The following LEMD3 variants were observed in gnomAD, a reference collection of about 807,000 sequenced individuals.
The protein encoded by LEMD3 is LEM domain containing 3, also known as inner nuclear membrane protein Man1.
In LEMD3, 33 loss-of-function variants were observed where a neutral mutation model predicts 95.2. That is an observed-to-expected ratio of 0.35 (90% CI 0.26 to 0.46). LEMD3 has a LOEUF of 0.46. LEMD3 is among the 20% of genes least tolerant of loss of function. The pLI, the probability that LEMD3 is intolerant of heterozygous loss-of-function variation, is 1.00. For missense variants in LEMD3, 1,210 were observed against 1,192.8 expected, an observed-to-expected ratio of 1.01 and a Z score of -0.21; for synonymous variants, 525 against 474.6, an observed-to-expected ratio of 1.11 and a Z score of -1.38.
At chr12:65,183,616 T>G (rs560349373) in intron 1 of LEMD3, among the ~76,000 whole-genome samples, 2 of 152,304 alleles carry the variant, frequency 1.3e-5, no homozygotes, top group South Asian at 4.1e-4. Context: ...AGGTAGTCTG[T>G]AGAGGAGCAG....
chr12:65,178,773 C>A (rs1868809476), intron 1 of LEMD3, among the ~76,000 whole-genome samples: 1 of 152,162 alleles, frequency 6.6e-6, no homozygotes, highest in Non-Finnish European at 1.5e-5. Flanking sequence ...AGTATTTGAA[C>A]TCAGACAGTG....
Position 65,240,928 on chromosome 12 carries a change from T to G in LEMD3, c.2146T>G (p.Trp716Gly). ...TGATAGGAAAAAAATGAAGAAAGTCTGGGATAGAGCTGTTGACTTCCTTGC... is the reference window on the plus strand; with the variant it reads ...TGATAGGAAAAAAATGAAGAAAGTCGGGGATAGAGCTGTTGACTTCCTTGC... ...PHDRKKMKKV[W>G]DRAVDFLAAN... Residue 716 changes from tryptophan to glycine, a missense_variant, in exon 9 of 13, where the codon TGG (tryptophan) becomes GGG (glycine). Trp to Gly is a radical substitution (Grantham distance 184). Transcript: ENST00000308330. 1 of 1,614,022 alleles carries G rather than the reference T, an allele frequency of 6.2e-7. No individual in the cohort carries two copies.
intron 1 of LEMD3, among the ~76,000 whole-genome samples, chr12:65,197,955 G>A (rs1007311514): frequency 2.6e-5 from 4 of 152,036 alleles, no homozygotes; most frequent in South Asian, 2.1e-4. Flanking sequence ...CATTGAAGAT[G>A]TTAAATACAT....
At chr12:65,224,224 C>T (rs1870381180) in intron 4 of LEMD3, among the ~76,000 whole-genome samples, 1 of 152,146 alleles carries the variant, frequency 6.6e-6, no homozygotes, top group Non-Finnish European at 1.5e-5. Context: ...TATGCTTTTG[C>T]ATTGCTAGGT....
chr12:65,231,890 G>A (rs1257158927), intron 4 of LEMD3, among the ~76,000 whole-genome samples: 1 of 151,574 alleles, frequency 6.6e-6, no homozygotes, highest in Non-Finnish European at 1.5e-5. Flanking sequence ...AAATTATTGT[G>A]TGTATTTCAA....
At chr12:65,178,143 G>T (rs1868785963) in intron 1 of LEMD3, among the ~76,000 whole-genome samples, 1 of 151,638 alleles carries the variant, frequency 6.6e-6, no homozygotes. Context: ...ATAGCAGCCG[G>T]CCTATTCTCT....
chr12:65,176,290 T>A (rs1267178859), intron 1 of LEMD3, among the ~76,000 whole-genome samples: 3 of 152,222 alleles, frequency 2.0e-5, no homozygotes, highest in Non-Finnish European at 4.4e-5. Context: ...TCTACCAGTC[T>A]CCCTTATCAC....
chr12:65,173,496 T>C (rs1043283026), intron 1 of LEMD3, among the ~76,000 whole-genome samples: 2 of 152,176 alleles, frequency 1.3e-5, no homozygotes, highest in African/African-American at 4.8e-5. Context: ...CTAGGACTTG[T>C]CTGAATGACT....
intron 1 of LEMD3, among the ~76,000 whole-genome samples, chr12:65,208,107 T>C (rs534813325): frequency 3.3e-5 from 5 of 152,186 alleles, no homozygotes; most frequent in Non-Finnish European, 2.9e-5. Flanking sequence ...TTACAGTTAG[T>C]AGAATAGTTT....
intron 1 of LEMD3, among the ~76,000 whole-genome samples, chr12:65,193,756 G>GTGTGTGTGTT: frequency 6.6e-6 from 1 of 150,770 alleles, no homozygotes; most frequent in Non-Finnish European, 1.5e-5. Context: ...GTGTGTGTGT[G>GTGTGTGTGTT]TGTGTGTGTG....
At chr12:65,225,854 ACAGG>A (rs1350050260) in intron 4 of LEMD3, among the ~76,000 whole-genome samples, 1 of 152,228 alleles carries the variant, frequency 6.6e-6, no homozygotes, top group Non-Finnish European at 1.5e-5. Flanking sequence ...TGCAGCGATT[ACAGG>A]CATGAGCCAC....
intron 2 of LEMD3, among the ~76,000 whole-genome samples, 185 bp downstream of exon 2, chr12:65,211,148 C>T (rs979176975): frequency 6.6e-6 from 1 of 152,118 alleles, no homozygotes; most frequent in Non-Finnish European, 1.5e-5. Flanking sequence ...CTTTCTTATT[C>T]TGAGTATTCC....
At chr12:65,181,136 G>T (rs896654225) in intron 1 of LEMD3, among the ~76,000 whole-genome samples, 2 of 152,138 alleles carry the variant, frequency 1.3e-5, no homozygotes, top group Non-Finnish European at 2.9e-5. Flanking sequence ...TAATTAGGAG[G>T]TGAGGGGAAT....
At chr12:65,220,053 A>G (rs1207760509) in intron 4 of LEMD3, among the ~76,000 whole-genome samples, 1 of 152,328 alleles carries the variant, frequency 6.6e-6, no homozygotes, top group African/African-American at 2.4e-5. Context: ...TAATTCTGTT[A>G]GACAAATACC....
At chr12:65,204,860 G>A (rs1478177271) in intron 1 of LEMD3, among the ~76,000 whole-genome samples, 2 of 152,110 alleles carry the variant, frequency 1.3e-5, no homozygotes, top group Non-Finnish European at 2.9e-5. Flanking sequence ...ATCTCAAACT[G>A]AGGGTACAAT....
At position 65,206,360 on chromosome 12, in the gene LEMD3, GCCTTTAAAACT is replaced by G. The variant is rs1172809369; in HGVS notation, c.1523-4562_1523-4552del. ...CATGGAGTTTTAGATACAAGAGACT[GCCTTTAAAACT>G]CCTGTCTGTAGAATTGCTGCCCTCC... On this transcript the variant is annotated intron_variant, in intron 1 of 12. Coordinates refer to ENST00000308330, the MANE Select transcript of LEMD3 (RefSeq NM_014319.5). Among the ~76,000 whole-genome samples the G allele has an allele frequency of 3.3e-5, 5 of 152,100 alleles. No individual in the cohort carries two copies. In the East Asian group the frequency reaches 9.6e-4, roughly 29 times the overall value.
chr12:65,237,334 A>G (rs970027020), intron 4 of LEMD3, among the ~76,000 whole-genome samples: 38 of 152,200 alleles, frequency 2.5e-4, no homozygotes, highest in African/African-American at 9.2e-4. Context: ...TAGTTGAAGT[A>G]TGTCATGAAA....
intron 1 of LEMD3, among the ~76,000 whole-genome samples, chr12:65,174,207 TA>T (rs1868641701): frequency 1.3e-5 from 2 of 152,152 alleles, no homozygotes; most frequent in African/African-American, 2.4e-5. Flanking sequence ...ATCAATGCCC[TA>T]TTTTTTTATT....
intron 1 of LEMD3, among the ~76,000 whole-genome samples, chr12:65,198,330 A>G (rs1869494857): frequency 2.0e-5 from 3 of 152,168 alleles, no homozygotes; most frequent in South Asian, 4.1e-4. Flanking sequence ...TGTATTATTT[A>G]TAGATTTGTA....
Sources: allele counts gnomAD v4.1 joint callset (sites outside exome capture counted in the v4.1 genomes callset), GRCh38; gene constraint gnomAD v4.1.1; transcripts MANE v1.5; gene names NCBI Gene and HGNC (gene_info 2026-07-23, HGNC 2026-07-21).